CBFB: variants seen among roughly 807,000 people sequenced by gnomAD.
The protein encoded by CBFB is core-binding factor subunit beta, also known as CBF-beta.
CBFB carries 9 observed loss-of-function variants against 30.4 expected under a neutral mutation model. The observed-to-expected ratio is 0.30, with a 90% CI of 0.18 to 0.52. CBFB has a LOEUF of 0.52. Among genes scored for constraint, CBFB ranks in the 20% least tolerant of loss-of-function variants. The pLI, the probability that CBFB is intolerant of heterozygous loss-of-function variation, is 0.97. For missense variants in CBFB, 170 were observed against 244.0 expected, an observed-to-expected ratio of 0.70 and a Z score of 2.02; for synonymous variants, 94 against 84.0, an observed-to-expected ratio of 1.12 and a Z score of -0.65.
intron 5 of CBFB, among the ~76,000 whole-genome samples, chr16:67,096,518 G>T (rs1015333288): frequency 1.3e-5 from 2 of 151,604 alleles, no homozygotes; most frequent in African/African-American, 2.4e-5. Flanking sequence ...TTACCATAAG[G>T]GGTTTAAATA....
chr16:67,099,373 A>T lies in CBFB; in HGVS notation c.*595A>T, dbSNP rs1962151829. 1 of 219,864 alleles carries T rather than the reference A, an allele frequency of 4.5e-6. No individual in the cohort carries two copies. Among genetic ancestry groups the T allele is most frequent in the South Asian group, 1.8e-4 (1 of 5,410 alleles). The allele number at this position is 219,864 out of a possible 1,614,324, so 13.6% of individuals were successfully genotyped here. On this transcript the variant is annotated 3_prime_UTR_variant, in exon 6 of 6. Transcript: ENST00000412916. ...CAGCCTTCTGACAAAGTTTACAGTTATTAAAGTTGCAGTATCCTTTTAAAT... is the reference window on the plus strand; with the variant it reads ...CAGCCTTCTGACAAAGTTTACAGTTTTTAAAGTTGCAGTATCCTTTTAAAT...
chr16:67,046,047 T>A (rs1249277881), intron 3 of CBFB, among the ~76,000 whole-genome samples: 1 of 152,062 alleles, frequency 6.6e-6, no homozygotes, highest in East Asian at 1.9e-4. Flanking sequence ...CCGCCTGTCT[T>A]GGCCTCCCAA....
At chr16:67,030,166 G>A (rs929476608) in intron 2 of CBFB, 1 of 214,754 alleles carries the variant, frequency 4.7e-6, no homozygotes, top group African/African-American at 2.3e-5. Context: ...AAGAAGTGGA[G>A]CTTCATTCAA....
At chr16:67,074,386 CTTT>C (rs34186310) in intron 4 of CBFB, among the ~76,000 whole-genome samples, 5 of 138,372 alleles carry the variant, frequency 3.6e-5, no homozygotes, top group Admixed American at 7.2e-5. Flanking sequence ...AACAGTAAAG[CTTT>C]TTTTTTTTTT....
At chr16:67,076,539 TAATA>T (rs892984212) in intron 4 of CBFB, among the ~76,000 whole-genome samples, 5 of 152,150 alleles carry the variant, frequency 3.3e-5, no homozygotes, top group African/African-American at 1.2e-4. Context: ...TGCCTCTTGG[TAATA>T]AATAATAGGA....
chr16:67,095,201 A>C (rs1053391685), intron 5 of CBFB, among the ~76,000 whole-genome samples: 1 of 110,494 alleles, frequency 9.1e-6, no homozygotes, highest in Non-Finnish European at 1.8e-5. Context: ...CAAGAGCAAA[A>C]GTGTGTCTCA....
intron 2 of CBFB, among the ~76,000 whole-genome samples, chr16:67,033,967 T>C (rs897139125): frequency 1.3e-5 from 2 of 152,068 alleles, no homozygotes; most frequent in Non-Finnish European, 2.9e-5. Flanking sequence ...TAGCTAGGAT[T>C]ACAGGCGCAC....
intron 3 of CBFB, among the ~76,000 whole-genome samples, chr16:67,043,305 A>G (rs1377297411): frequency 6.6e-6 from 1 of 152,238 alleles, no homozygotes; most frequent in Admixed American, 6.5e-5. Flanking sequence ...AAAAAGCTCT[A>G]TATTCTCTAT....
rs963978730 is a variant in CBFB, at chr16:67,100,526, A to G, written c.*1748A>G. On this transcript the variant is annotated 3_prime_UTR_variant, in exon 6 of 6. Transcript: ENST00000412916. ...GGTGTTGTACAGCTCACATGTTTAC[A>G]CACTCAGTGCCCTAATTTCCCCTGA... 1.1e-4 allele frequency: 26 copies of G among 228,456 alleles called. No individual in the cohort carries two copies. In the Admixed American group the frequency reaches 1.2e-3, roughly 11 times the overall value. The allele number at this position is 228,456 out of a possible 1,614,324, so 14.2% of individuals were successfully genotyped here. A position where few individuals can be genotyped will look rare whatever the true frequency, so the allele number is the denominator to read the frequency against.
At chr16:67,032,716 T>C (rs921307701) in intron 2 of CBFB, among the ~76,000 whole-genome samples, 6 of 152,250 alleles carry the variant, frequency 3.9e-5, no homozygotes, top group East Asian at 1.9e-4. Context: ...TCATGACTTA[T>C]GAACAGGCTG....
At chr16:67,066,525 A>G (rs1048316915) in intron 3 of CBFB, among the ~76,000 whole-genome samples, 157 bp from the exon 4 acceptor site, 1 of 152,134 alleles carries the variant, frequency 6.6e-6, no homozygotes, top group Non-Finnish European at 1.5e-5. Flanking sequence ...GTGCCACTGC[A>G]TTCCAGCCTG....
intron 5 of CBFB, 130 bp downstream of exon 5, chr16:67,082,438 C>G (rs1462777785): frequency 3.5e-6 from 4 of 1,140,858 alleles, no homozygotes; most frequent in Non-Finnish European, 4.8e-6. Flanking sequence ...AAAAGTTGTA[C>G]TCTCTGGCTT....
In CBFB at chr16:67,098,429, G is replaced by T. The variant is rs543620443; in HGVS notation, c.496-281G>T. Among the ~76,000 whole-genome samples the T allele has an allele frequency of 3.3e-5, 5 of 152,198 alleles. No individual in the cohort carries two copies. In the South Asian group the frequency reaches 8.3e-4, roughly 25 times the overall value. On this transcript the variant is annotated intron_variant, in intron 5 of 5. Transcript: ENST00000412916. ...TGGGATTACAGGCATGAGCCACTGC[G>T]CCCAGTGCTAGATTTGTTGTTATTT...
rs1367936986 is a variant in CBFB at position 67,067,914 on chromosome 16, A to T, written c.399+1116A>T. Among the ~76,000 whole-genome samples the T allele has an allele frequency of 2.6e-5, 4 of 152,240 alleles. No individual in the cohort carries two copies. The East Asian group carries it at 7.7e-4, about 29-fold the overall frequency. ...AGTAGACCCTACTAAGATTACACTC[A>T]TGTCATCCAGAAAGCTGTGTGCATG... On this transcript the variant is annotated intron_variant, in intron 4 of 5. Transcript: ENST00000412916.
chr16:67,071,522 T>G (rs1961221744), intron 4 of CBFB, among the ~76,000 whole-genome samples: 1 of 152,200 alleles, frequency 6.6e-6, no homozygotes, highest in Non-Finnish European at 1.5e-5. Flanking sequence ...CACATTGATC[T>G]GGGATTGCTA....
At chr16:67,091,249 T>G (rs1961872443) in intron 5 of CBFB, among the ~76,000 whole-genome samples, 1 of 152,220 alleles carries the variant, frequency 6.6e-6, no homozygotes, top group Non-Finnish European at 1.5e-5. Context: ...TATTTTTGTT[T>G]TAGCCTTGTT....
At chr16:67,043,054 C>A (rs907842539) in intron 3 of CBFB, among the ~76,000 whole-genome samples, 1 of 152,136 alleles carries the variant, frequency 6.6e-6, no homozygotes, top group Admixed American at 6.5e-5. Flanking sequence ...CTTTTATGAT[C>A]CATTCTTCAA....
At chr16:67,038,324 ATATG>A (rs1036147047) in intron 3 of CBFB, among the ~76,000 whole-genome samples, 2 of 149,706 alleles carry the variant, frequency 1.3e-5, no homozygotes, top group Non-Finnish European at 3.0e-5. Flanking sequence ...ATATATACGT[ATATG>A]TGTGTGTATA....
At chr16:67,086,841 C>T (rs1457678044) in intron 5 of CBFB, among the ~76,000 whole-genome samples, 1 of 152,072 alleles carries the variant, frequency 6.6e-6, no homozygotes, top group Admixed American at 6.6e-5. Context: ...CAGATCATTG[C>T]AGTGTACTTT....
Sources: gnomAD v4.1 joint callset for allele counts (sites outside exome capture counted in the v4.1 genomes callset) on GRCh38, gnomAD v4.1.1 for gene constraint, MANE v1.5 for transcripts, NCBI Gene and HGNC (gene_info 2026-07-23, HGNC 2026-07-21) for gene names.